Variants in PCCB observed in about 807,000 individuals in gnomAD.
The protein encoded by PCCB is propionyl-CoA carboxylase beta chain, mitochondrial.
A neutral mutation model predicts 60.7 loss-of-function variants in PCCB; 43 were observed. The observed-to-expected ratio is 0.71, with a 90% CI of 0.55 to 0.91. PCCB has a LOEUF of 0.91. Ranked by LOEUF, PCCB falls within the 40% of genes least tolerant of loss-of-function variation. PCCB has a pLI of 0.00. For missense variants in PCCB, 766 were observed against 702.8 expected (o/e 1.09, Z -1.02); for synonymous variants, 276 against 255.9 (o/e 1.08, Z -0.75).
At chr3:136,300,192 C>A (rs964292245) in intron 8 of PCCB, among the ~76,000 whole-genome samples, 1 of 151,862 alleles carries the variant, frequency 6.6e-6, no homozygotes, top group Non-Finnish European at 1.5e-5. Flanking sequence ...ATATGTATGA[C>A]AAGTAAAAAG....
chr3:136,310,167 C>G (rs529718407), intron 9 of PCCB, among the ~76,000 whole-genome samples: 1 of 152,048 alleles, frequency 6.6e-6, no homozygotes, highest in East Asian at 1.9e-4. Flanking sequence ...AGTTCGAGAC[C>G]AGCCTGACTA....
chr3:136,285,277 C>T (rs1216542837), intron 6 of PCCB, among the ~76,000 whole-genome samples: 1 of 152,104 alleles, frequency 6.6e-6, no homozygotes, highest in Non-Finnish European at 1.5e-5. Flanking sequence ...CCATCCTTTC[C>T]TCCTGCTACA....
At chr3:136,296,491 A>T (rs189130688) in intron 7 of PCCB, among the ~76,000 whole-genome samples, 1 of 152,344 alleles carries the variant, frequency 6.6e-6, no homozygotes, top group East Asian at 1.9e-4. Flanking sequence ...GATATACCAC[A>T]TCTAGTTTAT....
At chr3:136,317,797 A>G (rs1047329695) in intron 10 of PCCB, among the ~76,000 whole-genome samples, 1 of 152,118 alleles carries the variant, frequency 6.6e-6, no homozygotes, top group Non-Finnish European at 1.5e-5. Flanking sequence ...ATGGCATCTT[A>G]CCATGTCTGT....
In PCCB at chr3:136,281,797, G is replaced by T. The variant is rs531358656; in HGVS notation, c.544-2040G>T. On this transcript the variant is annotated intron_variant, in intron 5 of 14. Coordinates refer to ENST00000251654, the MANE Select transcript of PCCB (RefSeq NM_000532.5). Reference sequence around the variant, plus strand: ...CCGATTTTTGCTTGTCAACTGCTGGGTCCATCTGTTTGAACTTTTGCAAGC... The same window carrying T: ...CCGATTTTTGCTTGTCAACTGCTGGTTCCATCTGTTTGAACTTTTGCAAGC... Among the ~76,000 whole-genome samples the T allele has an allele frequency of 2.6e-5, 4 of 152,176 alleles. No individual in the cohort carries two copies. In the East Asian group the frequency reaches 7.7e-4, roughly 29 times the overall value.
chr3:136,287,555 C>G (rs891207891), intron 6 of PCCB, among the ~76,000 whole-genome samples: 4 of 152,088 alleles, frequency 2.6e-5, no homozygotes, highest in Non-Finnish European at 5.9e-5. Context: ...ACCTCAGCCT[C>G]CCATGTAGCT....
chr3:136,268,094 A>ATG (rs1553775742), intron 5 of PCCB, among the ~76,000 whole-genome samples: 7 of 64,322 alleles, frequency 1.1e-4, no homozygotes, highest in African/African-American at 5.8e-4. Flanking sequence ...GTAGATATAT[A>ATG]TATATATATA....
At chr3:136,318,763 G>A (rs1242508557) in intron 10 of PCCB, among the ~76,000 whole-genome samples, 1 of 151,782 alleles carries the variant, frequency 6.6e-6, no homozygotes, top group African/African-American at 2.4e-5. Context: ...TTTTATGGCT[G>A]AATAATATTA....
At chr3:136,250,727 A>G (rs1447539250) in intron 1 of PCCB, among the ~76,000 whole-genome samples, 169 bp downstream of exon 1, 1 of 152,238 alleles carries the variant, frequency 6.6e-6, no homozygotes, top group Admixed American at 6.5e-5. Flanking sequence ...GGAGGCGGGT[A>G]TAACCAGCAG....
chr3:136,291,679 C>T (rs1462300828), intron 6 of PCCB, among the ~76,000 whole-genome samples: 1 of 152,142 alleles, frequency 6.6e-6, no homozygotes, highest in Admixed American at 6.6e-5. Flanking sequence ...TTTCTTCCCT[C>T]GCGTCAGCAG....
chr3:136,323,715 G>T (rs1935189768), intron 10 of PCCB, among the ~76,000 whole-genome samples: 2 of 151,624 alleles, frequency 1.3e-5, no homozygotes, highest in Admixed American at 1.3e-4. Flanking sequence ...AACCTGGGAG[G>T]CAGAGCTTGC....
At chr3:136,323,920 T>C (rs1046784345) in intron 10 of PCCB, among the ~76,000 whole-genome samples, 3 of 152,016 alleles carry the variant, frequency 2.0e-5, no homozygotes, top group African/African-American at 4.8e-5. Context: ...ATTTTTTTAA[T>C]TGAAAATGGG....
At chr3:136,281,717 C>A (rs890960592) in intron 5 of PCCB, among the ~76,000 whole-genome samples, 2 of 151,996 alleles carry the variant, frequency 1.3e-5, no homozygotes, top group African/African-American at 2.4e-5. Context: ...ATGAGAAATT[C>A]TGAATATTAT....
At chr3:136,321,537 G>T (rs1935110150) in intron 10 of PCCB, among the ~76,000 whole-genome samples, 1 of 152,186 alleles carries the variant, frequency 6.6e-6, no homozygotes, top group South Asian at 2.1e-4. Context: ...GCAGGCAGGG[G>T]AAATGCCAGA....
At chr3:136,323,014 T>G (rs1935162629) in intron 10 of PCCB, among the ~76,000 whole-genome samples, 1 of 151,812 alleles carries the variant, frequency 6.6e-6, no homozygotes, top group Non-Finnish European at 1.5e-5. Context: ...TTTTTTTTTT[T>G]TTGCTGCTTT....
chr3:136,291,973 TC>T (rs996335470), intron 6 of PCCB, among the ~76,000 whole-genome samples: 3 of 152,272 alleles, frequency 2.0e-5, no homozygotes, highest in Non-Finnish European at 4.4e-5. Context: ...CAGCTATAGT[TC>T]CGGTTTTCCT....
intron 5 of PCCB, among the ~76,000 whole-genome samples, chr3:136,266,384 C>G (rs1298227855): frequency 6.6e-6 from 1 of 152,200 alleles, no homozygotes; most frequent in African/African-American, 2.4e-5. Context: ...CTGCCTTGGC[C>G]TCCCAAAGTG....
chr3:136,278,865 TG>T (rs1489003749), intron 5 of PCCB, among the ~76,000 whole-genome samples: 1 of 152,216 alleles, frequency 6.6e-6, no homozygotes, highest in Admixed American at 6.5e-5. Context: ...CTAGTTGTTC[TG>T]TCTGTTATTA....
intron 1 of PCCB, among the ~76,000 whole-genome samples, chr3:136,254,878 CTT>C (rs113195311): frequency 0.012 from 1,658 of 139,718 alleles, 33 homozygotes; most frequent in East Asian, 0.048. Context: ...CTCAAAGAAG[CTT>C]TTTTTTTTTT....
Sources: gnomAD v4.1 joint callset for allele counts (sites outside exome capture counted in the v4.1 genomes callset) on GRCh38, gnomAD v4.1.1 for gene constraint, MANE v1.5 for transcripts, NCBI Gene and HGNC (gene_info 2026-07-23, HGNC 2026-07-21) for gene names.